DOCK1: variants seen among roughly 807,000 people sequenced by gnomAD.
The protein encoded by DOCK1 is dedicator of cytokinesis protein 1.
In DOCK1, 138 loss-of-function variants were observed where a neutral mutation model predicts 262.7. The observed-to-expected ratio is 0.53, with a 90% CI of 0.46 to 0.61. The LOEUF (loss-of-function observed/expected upper bound fraction) is 0.61. DOCK1 is among the 20% of genes least tolerant of loss of function. The pLI, the probability that DOCK1 is intolerant of heterozygous loss-of-function variation, is 0.00. For missense variants in DOCK1, 1,908 were observed against 2,370.7 expected, an observed-to-expected ratio of 0.80 and a Z score of 4.05; for synonymous variants, 866 against 867.4, an observed-to-expected ratio of 1.00 and a Z score of 0.03.
At chr10:127,092,604 C>T (rs1279517119) in intron 23 of DOCK1, among the ~76,000 whole-genome samples, 3 of 152,092 alleles carry the variant, frequency 2.0e-5, no homozygotes, top group Admixed American at 6.5e-5. Context: ...CTACCTCAGC[C>T]TCCCAAGTAG....
chr10:127,321,133 C>T lies in DOCK1; in HGVS notation c.3045-17873C>T, dbSNP rs111899632. Among the ~76,000 whole-genome samples the T allele has an allele frequency of 4.0e-4, 61 of 152,186 alleles. 1 individual carries two copies. The highest frequency in any genetic ancestry group is 1.3e-3 in the African/African-American group (55 of 41,534). ...GCTGTTAAGTGCTCTTGTCCAGTAG[C>T]TTCCATGACCCCGCGTCTTGCGCTG... On this transcript the variant is annotated intron_variant, in intron 29 of 51. Coordinates refer to ENST00000623213, the MANE Select transcript of DOCK1 (RefSeq NM_001290223.2).
chr10:127,416,005 G>A (rs1249187715), intron 44 of DOCK1, among the ~76,000 whole-genome samples: 2 of 152,194 alleles, frequency 1.3e-5, no homozygotes, highest in African/African-American at 2.4e-5. Context: ...AGTTTTCAAT[G>A]AGTCCCCCCG....
At chr10:127,171,213 G>C (rs1176550454) in intron 27 of DOCK1, among the ~76,000 whole-genome samples, 4 of 152,154 alleles carry the variant, frequency 2.6e-5, no homozygotes, top group African/African-American at 4.8e-5. Context: ...TAATGAAGGA[G>C]AGTCTCTTAC....
chr10:127,351,310 C>T (rs2063868798), intron 31 of DOCK1, among the ~76,000 whole-genome samples: 1 of 152,150 alleles, frequency 6.6e-6, no homozygotes, highest in Non-Finnish European at 1.5e-5. Flanking sequence ...GCCATCCTGG[C>T]TCGGTGGAGT....
At chr10:127,138,925 C>T (rs2050958965) in intron 27 of DOCK1, among the ~76,000 whole-genome samples, 1 of 152,216 alleles carries the variant, frequency 6.6e-6, no homozygotes, top group Non-Finnish European at 1.5e-5. Flanking sequence ...CCTAACAGGT[C>T]TGCTTGGCAG....
chr10:127,045,146 C>T (rs909006100), intron 21 of DOCK1, among the ~76,000 whole-genome samples: 6 of 138,102 alleles, frequency 4.3e-5, no homozygotes, highest in African/African-American at 5.4e-5. Flanking sequence ...TGCAGTGAGC[C>T]GAGATCGTGC....
intron 22 of DOCK1, among the ~76,000 whole-genome samples, chr10:127,053,309 T>C (rs1314528199): frequency 6.6e-6 from 1 of 152,162 alleles, no homozygotes; most frequent in African/African-American, 2.4e-5. Context: ...GCCACTGCAC[T>C]CCAGCCTGGG....
At chr10:126,940,855 A>G (rs1382288879) in intron 1 of DOCK1, among the ~76,000 whole-genome samples, 1 of 152,222 alleles carries the variant, frequency 6.6e-6, no homozygotes, top group Non-Finnish European at 1.5e-5. Context: ...AGTAATTGCT[A>G]ACTCTATCTT....
At chr10:127,266,480 A>AACAC (rs68190118) in intron 29 of DOCK1, among the ~76,000 whole-genome samples, 3,731 of 149,256 alleles carry the variant, frequency 0.025, 128 homozygotes, top group African/African-American at 0.084. Context: ...TAAGTACCAA[A>AACAC]ACACACACAC....
chr10:127,076,426 G>A (rs1194959944), intron 23 of DOCK1, among the ~76,000 whole-genome samples: 4 of 152,142 alleles, frequency 2.6e-5, no homozygotes, highest in Non-Finnish European at 4.4e-5. Context: ...GCTTGAACCC[G>A]GGAGGTAGAG....
intron 23 of DOCK1, among the ~76,000 whole-genome samples, chr10:127,078,790 A>G (rs1467998332): frequency 2.6e-5 from 4 of 152,172 alleles, no homozygotes; most frequent in African/African-American, 2.4e-5. Flanking sequence ...AGCAACCTGG[A>G]TGGAGTTGGA....
chr10:126,958,558 G>T (rs1248620848), intron 1 of DOCK1, among the ~76,000 whole-genome samples: 1 of 152,152 alleles, frequency 6.6e-6, no homozygotes, highest in Non-Finnish European at 1.5e-5. Context: ...CCGGAGGCTG[G>T]GTATTCTGGA....
intron 27 of DOCK1, among the ~76,000 whole-genome samples, chr10:127,185,894 GC>G (rs2056186882): frequency 6.6e-6 from 1 of 152,138 alleles, no homozygotes; most frequent in Non-Finnish European, 1.5e-5. Context: ...GTATATTGGG[GC>G]CCCATACTGT....
intron 27 of DOCK1, among the ~76,000 whole-genome samples, chr10:127,142,971 A>G (rs2051413633): frequency 6.6e-6 from 1 of 152,094 alleles, no homozygotes; most frequent in Admixed American, 6.5e-5. Flanking sequence ...GCCTGCACCT[A>G]AGCTTTATTT....
intron 25 of DOCK1, among the ~76,000 whole-genome samples, chr10:127,121,093 T>A (rs879781439): frequency 6.6e-6 from 1 of 152,166 alleles, no homozygotes; most frequent in African/African-American, 2.4e-5. Context: ...TCTTTATACG[T>A]GTGGGTAAAC....
At chr10:127,192,853 G>C (rs1352086521) in intron 27 of DOCK1, 1 of 152,172 alleles carries the variant, frequency 6.6e-6, no homozygotes, top group Non-Finnish European at 1.5e-5. Context: ...GGTCCCTATA[G>C]TTTGGTTCCT....
intron 1 of DOCK1, among the ~76,000 whole-genome samples, chr10:126,931,068 C>A (rs1370488718): frequency 6.6e-6 from 1 of 152,044 alleles, no homozygotes; most frequent in Non-Finnish European, 1.5e-5. Flanking sequence ...GTTGGGAATT[C>A]TCTTGGGCTA....
chr10:127,091,309 G>T (rs2047520213), intron 23 of DOCK1, among the ~76,000 whole-genome samples: 1 of 152,134 alleles, frequency 6.6e-6, no homozygotes, highest in African/African-American at 2.4e-5. Context: ...ATTCTTTTGG[G>T]TATACATCGA....
chr10:126,912,685 C>G (rs1238551202), intron 1 of DOCK1, among the ~76,000 whole-genome samples: 1 of 150,770 alleles, frequency 6.6e-6, no homozygotes, highest in African/African-American at 2.4e-5. Context: ...GAGATCGCGC[C>G]ACCGTACTCC....
Sources: allele counts gnomAD v4.1 joint callset (sites outside exome capture counted in the v4.1 genomes callset), GRCh38; gene constraint gnomAD v4.1.1; transcripts MANE v1.5; gene names NCBI Gene and HGNC (gene_info 2026-07-23, HGNC 2026-07-21).